IGSF21: variants seen among roughly 807,000 people sequenced by gnomAD.
IGSF21 encodes the protein immunoglobin superfamily member 21.
Under a neutral mutation model 46.8 loss-of-function variants are expected in IGSF21, and 28 were observed. The ratio of observed to expected loss-of-function variants is 0.60; its 90% confidence interval spans 0.44 to 0.82. The LOEUF is 0.82. Among genes scored for constraint, IGSF21 ranks in the 40% least tolerant of loss-of-function variants. The pLI is 0.00. For synonymous variants in IGSF21, 284 were observed against 273.6 expected (o/e 1.04, Z -0.38); for missense variants, 624 against 665.5 (o/e 0.94, Z 0.69).
At chr1:18,327,095 T>C (rs529877464) in intron 3 of IGSF21, among the ~76,000 whole-genome samples, 1 of 152,324 alleles carries the variant, frequency 6.6e-6, no homozygotes, top group Admixed American at 6.5e-5. Flanking sequence ...AGAGAAATCC[T>C]GTAGCTCCCC....
chr1:18,112,380 C>T (rs2086152447), intron 1 of IGSF21: 2 of 152,130 alleles, frequency 1.3e-5, no homozygotes, highest in African/African-American at 4.8e-5. Flanking sequence ...ATTGATGCTT[C>T]ATTTAGAGGG....
At chr1:18,131,889 T>C (rs532843252) in intron 1 of IGSF21, among the ~76,000 whole-genome samples, 2 of 152,146 alleles carry the variant, frequency 1.3e-5, no homozygotes, top group Non-Finnish European at 2.9e-5. Flanking sequence ...CAGGAGAGAC[T>C]GGGAAATGTA....
At chr1:18,377,508 C>A (rs1013481961) in intron 9 of IGSF21, 77 bp downstream of exon 9, 1 of 1,164,674 alleles carries the variant, frequency 8.6e-7, no homozygotes, top group Admixed American at 1.7e-5. Context: ...GTCCCCCAAA[C>A]TTCCCATATG....
In IGSF21 at chr1:18,365,520, A is replaced by G. The variant is rs140063076; in HGVS notation, c.838A>G (p.Ser280Gly). ...VSREFPRWVH[S>G]AEPTYFLRHS... The stretch of plus-strand genomic sequence containing the variant: ...CCGTGAGTTTCCCCGCTGGGTCCAC[A>G]GCGCCGAGCCCACCTACTTCCTGCG... The change falls in exon 6 of 10, where the codon AGC (serine) becomes GGC (glycine). Residue 280 changes from serine (S) to glycine (G), a missense_variant. Ser to Gly is a moderately conservative substitution (Grantham distance 56, BLOSUM62 0). Transcript: ENST00000251296. This position sits in a 1 kb window ranked among gnomAD's most constrained non-coding sequence, Gnocchi z 4.8. The G allele has an allele frequency of 6.1e-5, 99 of 1,613,700 alleles. No individual in the cohort carries two copies. The highest frequency in any genetic ancestry group is 7.7e-5 in the Non-Finnish European group (91 of 1,180,010).
In IGSF21 at chr1:18,172,676, T is replaced by C. The variant is rs554653392; in HGVS notation, c.71-55222T>C. On this transcript the variant is annotated intron_variant, in intron 1 of 9. Coordinates refer to ENST00000251296, the MANE Select transcript of IGSF21 (RefSeq NM_032880.5). ...TAGGACCTCATTTAACCTTAATTAC[T>C]TTCTAAAACCCCTACCTGCAAATGC... Among the ~76,000 whole-genome samples, 658 of 152,328 alleles carry C rather than the reference T, an allele frequency of 4.3e-3. 6 individuals are homozygous for C. Among genetic ancestry groups the C allele is most frequent in the African/African-American group, 0.014 (592 of 41,572 alleles).
intron 1 of IGSF21, among the ~76,000 whole-genome samples, chr1:18,218,982 A>G (rs1284426579): frequency 3.3e-5 from 5 of 152,378 alleles, no homozygotes; most frequent in African/African-American, 1.2e-4. Context: ...TAGAGATGAC[A>G]GAGGAAAGAA....
chr1:18,225,107 A>T lies in IGSF21; in HGVS notation c.71-2791A>T, dbSNP rs1363705984. ...CTCTCACACACACACACACACACAC[A>T]CACACACACACACACACACACAAAG... On this transcript the variant is annotated intron_variant, in intron 1 of 9. Coordinates refer to ENST00000251296, the MANE Select transcript of IGSF21 (RefSeq NM_032880.5). Among the ~76,000 whole-genome samples the T allele has an allele frequency of 4.2e-5, 6 of 141,938 alleles. No individual in the cohort carries two copies. In the East Asian group the frequency reaches 8.2e-4, roughly 19 times the overall value. 93.1% of individuals were successfully genotyped at this position (141,938 alleles called of 152,430 possible). A position where few individuals can be genotyped will look rare whatever the true frequency, so the allele number is the denominator to read the frequency against.
intron 3 of IGSF21, among the ~76,000 whole-genome samples, chr1:18,293,116 C>T (rs1046887120): frequency 1.3e-5 from 2 of 152,156 alleles, no homozygotes; most frequent in African/African-American, 2.4e-5. Context: ...AGGGGGAAGC[C>T]GTACTCTCCA....
intron 1 of IGSF21, among the ~76,000 whole-genome samples, chr1:18,181,910 G>A (rs1337760192): frequency 6.6e-6 from 1 of 152,086 alleles, no homozygotes; most frequent in Non-Finnish European, 1.5e-5. Context: ...TGTGTCTGAT[G>A]AGCTCTGCTA....
At chr1:18,170,548 T>C (rs1306221134) in intron 1 of IGSF21, among the ~76,000 whole-genome samples, 3 of 151,696 alleles carry the variant, frequency 2.0e-5, no homozygotes, top group African/African-American at 2.4e-5. Flanking sequence ...ACTTTTTTGT[T>C]TAACTAATGT....
intron 2 of IGSF21, among the ~76,000 whole-genome samples, chr1:18,256,529 A>C (rs1025461827): frequency 6.6e-6 from 1 of 152,092 alleles, no homozygotes; most frequent in African/African-American, 2.4e-5. Context: ...CCCGTGTTTC[A>C]GCAAGGGGCA....
chr1:18,309,713 T>C (rs2085463371), intron 3 of IGSF21, among the ~76,000 whole-genome samples: 2 of 152,184 alleles, frequency 1.3e-5, no homozygotes, highest in African/African-American at 4.8e-5. Flanking sequence ...CTCTGCCCTC[T>C]GCCAGTGTGG....
chr1:18,344,776 T>C (rs1255859697), intron 4 of IGSF21, among the ~76,000 whole-genome samples: 2 of 152,186 alleles, frequency 1.3e-5, no homozygotes, highest in Admixed American at 6.5e-5. Flanking sequence ...TTTCCCAGGA[T>C]GTCTGCTGGG....
At chr1:18,171,844 G>A (rs1214621198) in intron 1 of IGSF21, among the ~76,000 whole-genome samples, 1 of 152,182 alleles carries the variant, frequency 6.6e-6, no homozygotes, top group African/African-American at 2.4e-5. Context: ...AGTGATGATT[G>A]GTCTAAGGCT....
intron 1 of IGSF21, among the ~76,000 whole-genome samples, chr1:18,220,966 C>T (rs1392622174): frequency 1.3e-5 from 2 of 152,068 alleles, no homozygotes; most frequent in African/African-American, 4.8e-5. Context: ...ATGGGAAGCT[C>T]CTGGAGACCC....
chr1:18,230,919 C>G (rs2084618976), intron 2 of IGSF21, among the ~76,000 whole-genome samples: 1 of 151,916 alleles, frequency 6.6e-6, no homozygotes, highest in Non-Finnish European at 1.5e-5. Context: ...ATCTCCCTCT[C>G]CCCGCAGCCT....
At chr1:18,111,857 T>C (rs1342569) in intron 1 of IGSF21, 129,408 of 152,272 alleles carry the variant, frequency 0.85, 55,142 homozygotes, top group South Asian at 0.92. Context: ...AATCTTCCTT[T>C]CCTCTCTCTG....
chr1:18,362,979 C>G (rs1215761539), intron 5 of IGSF21, among the ~76,000 whole-genome samples: 3 of 152,074 alleles, frequency 2.0e-5, no homozygotes, highest in African/African-American at 7.2e-5. Flanking sequence ...GGGGGCTGGA[C>G]AATATTTGTT....
intron 1 of IGSF21, among the ~76,000 whole-genome samples, chr1:18,159,352 A>C (rs1359113934): frequency 6.6e-6 from 1 of 152,160 alleles, no homozygotes; most frequent in Non-Finnish European, 1.5e-5. Context: ...TGGGCCCTTC[A>C]CAGCTCCCTC....
Sources: allele counts gnomAD v4.1 joint callset (sites outside exome capture counted in the v4.1 genomes callset), GRCh38; gene constraint gnomAD v4.1.1; non-coding constraint Gnocchi (gnomAD v3.1); transcripts MANE v1.5; gene names NCBI Gene and HGNC (gene_info 2026-07-23, HGNC 2026-07-21).